The following GLRA1 variants were observed in gnomAD, a reference collection of about 807,000 sequenced individuals.
GLRA1 encodes glycine receptor subunit alpha-1.
GLRA1 carries 37 observed loss-of-function variants against 48.3 expected under a neutral mutation model. The ratio of observed to expected loss-of-function variants is 0.77; its 90% CI spans 0.59 to 1.01. The LOEUF is 1.01. Among genes scored for constraint, GLRA1 ranks in the 50% least tolerant of loss-of-function variants. The probability of loss-of-function intolerance (pLI) is 0.00; values close to 1 mark genes in which losing one functional copy is unlikely to be tolerated. For missense variants in GLRA1, 427 were observed against 571.0 expected, an observed-to-expected ratio of 0.75 and a Z score of 2.57; for synonymous variants, 196 against 210.7, an observed-to-expected ratio of 0.93 and a Z score of 0.60.
chr5:151,871,768 G>T (rs1251534515), intron 3 of GLRA1, among the ~76,000 whole-genome samples: 1 of 149,340 alleles, frequency 6.7e-6, no homozygotes, highest in Non-Finnish European at 1.5e-5. Context: ...GTTTCACTGT[G>T]TTAACCAGGA....
intron 3 of GLRA1, among the ~76,000 whole-genome samples, chr5:151,874,715 G>A (rs1229298492): frequency 6.6e-6 from 1 of 152,134 alleles, no homozygotes; most frequent in African/African-American, 2.4e-5. Context: ...ATATTTTTAG[G>A]TAGGGGGGTG....
intron 1 of GLRA1, among the ~76,000 whole-genome samples, chr5:151,917,303 C>T (rs1361316000): frequency 1.3e-5 from 2 of 152,160 alleles, no homozygotes; most frequent in Non-Finnish European, 2.9e-5. Context: ...CTCAGGTGAT[C>T]CTGGACACTG....
intron 7 of GLRA1, among the ~76,000 whole-genome samples, chr5:151,832,410 T>C (rs763186667): frequency 6.6e-6 from 1 of 152,160 alleles, no homozygotes; most frequent in Non-Finnish European, 1.5e-5. Context: ...GAAAAGAGTT[T>C]AGAGGAATTG....
chr5:151,848,867 C>A, intron 7 of GLRA1: 1 of 617,970 alleles, frequency 1.6e-6, no homozygotes, highest in South Asian at 1.5e-5. Flanking sequence ...CTGCTCAGCG[C>A]CCAGAACACC....
rs566505644 is a variant in GLRA1 at position 151,856,813 on chromosome 5, T to C, written c.477-430A>G. 6.5e-4 allele frequency among the ~76,000 whole-genome samples: 99 copies of C among 152,304 alleles called. 1 individual carries two copies. The highest frequency in any genetic ancestry group is 3.4e-3 in the Middle Eastern group (1 of 294). ...CTGGGATTACAGGCATGAGCCACCA[T>C]GCCCGGCCGTGACATGATTTTCATA... On this transcript the variant is annotated intron_variant, in intron 4 of 8. Transcript: ENST00000274576.
chr5:151,833,443 G>T (rs1324776879), intron 7 of GLRA1, among the ~76,000 whole-genome samples: 1 of 151,992 alleles, frequency 6.6e-6, no homozygotes, highest in Non-Finnish European at 1.5e-5. Context: ...CAAAATAAAG[G>T]GATGGAGGGA....
intron 4 of GLRA1, among the ~76,000 whole-genome samples, chr5:151,857,091 C>G (rs565171590): frequency 6.6e-6 from 1 of 152,194 alleles, no homozygotes; most frequent in South Asian, 2.1e-4. Context: ...CTCCCACCAG[C>G]TGGGCCCAGG....
At chr5:151,908,728 A>G (rs1315451259) in intron 1 of GLRA1, among the ~76,000 whole-genome samples, 1 of 151,728 alleles carries the variant, frequency 6.6e-6, no homozygotes, top group Non-Finnish European at 1.5e-5. Context: ...TCTTAATCCC[A>G]TAATGTTAAA....
chr5:151,826,845 C>A (rs1763282127), intron 8 of GLRA1, among the ~76,000 whole-genome samples: 1 of 152,178 alleles, frequency 6.6e-6, no homozygotes, highest in African/African-American at 2.4e-5. Context: ...TCTACTGGAG[C>A]TGTGCAGTGC....
At chr5:151,897,170 C>T (rs1454414034) in intron 1 of GLRA1, among the ~76,000 whole-genome samples, 2 of 152,212 alleles carry the variant, frequency 1.3e-5, no homozygotes, top group African/African-American at 4.8e-5. Context: ...ATGCCTCCCT[C>T]CACTTGATAA....
At position 151,822,544 on chromosome 5, in the gene GLRA1, G is replaced by C; in HGVS notation, c.*129C>G. 1.4e-6 allele frequency: 1 copy of C among 722,250 alleles called. No individual in the cohort carries two copies. 44.7% of individuals were successfully genotyped at this position (722,250 alleles called of 1,614,324 possible). The stretch of plus-strand genomic sequence containing the variant: ...TCATGCATCACTGCATTTTGCTATT[G>C]CACATATTGCAGAGAGAGTTGTGTA... On this transcript the variant is annotated 3_prime_UTR_variant, in exon 9 of 9. Transcript: ENST00000274576.
chr5:151,893,307 T>A (rs1222902465), intron 1 of GLRA1, among the ~76,000 whole-genome samples: 228 of 140,504 alleles, frequency 1.6e-3, no homozygotes, highest in African/African-American at 5.9e-3. Context: ...TTTCTTTCTT[T>A]CTTTCTTTCT....
intron 1 of GLRA1, among the ~76,000 whole-genome samples, chr5:151,916,619 A>G (rs184297900): frequency 1.7e-4 from 26 of 152,336 alleles, no homozygotes; most frequent in Admixed American, 1.2e-3. Context: ...GCCTCTAGCT[A>G]TGCAAAGTTG....
intron 3 of GLRA1, among the ~76,000 whole-genome samples, chr5:151,861,302 A>G (rs1449770873): frequency 1.3e-5 from 2 of 152,210 alleles, no homozygotes; most frequent in Non-Finnish European, 2.9e-5. Flanking sequence ...GAATCGCCAC[A>G]CTGTCTTCCA....
At chr5:151,905,081 A>G (rs559955106) in intron 1 of GLRA1, among the ~76,000 whole-genome samples, 10 of 152,326 alleles carry the variant, frequency 6.6e-5, no homozygotes, top group African/African-American at 2.4e-4. Flanking sequence ...TGCTGCACAT[A>G]TGGAAACTGT....
chr5:151,839,348 CAA>C (rs1168257699), intron 7 of GLRA1, among the ~76,000 whole-genome samples: 2 of 143,778 alleles, frequency 1.4e-5, no homozygotes, highest in East Asian at 2.1e-4. Flanking sequence ...ATATTCAAGA[CAA>C]TATAAAAAAT....
Position 151,870,977 on chromosome 5 carries a change from G to T in GLRA1, c.253-10969C>A, listed in dbSNP as rs56985787. On this transcript the variant is annotated intron_variant, in intron 3 of 8. Coordinates refer to ENST00000274576, the MANE Select transcript of GLRA1 (RefSeq NM_000171.4). ...AGTCATTCGTGGGTTTGACGGTCAT[G>T]AGTCAGCCTTCTGGAATTTGATCTG... 7.8e-4 allele frequency among the ~76,000 whole-genome samples: 117 copies of T among 149,880 alleles called. 16 individuals are homozygous for T. The highest frequency in any genetic ancestry group is 3.0e-3 in the African/African-American group (116 of 39,238).
intron 6 of GLRA1, among the ~76,000 whole-genome samples, chr5:151,852,244 T>G (rs1752931170): frequency 6.6e-6 from 1 of 152,204 alleles, no homozygotes; most frequent in South Asian, 2.1e-4. Context: ...TTTCTGAGCT[T>G]TTGATCTTGC....
intron 7 of GLRA1, among the ~76,000 whole-genome samples, chr5:151,849,340 T>TTCCTTCCA (rs1752813135): frequency 9.2e-6 from 1 of 108,876 alleles, no homozygotes; most frequent in Admixed American, 1.0e-4. Flanking sequence ...TCTCTCCCCC[T>TTCCTTCCA]TCCTTCCATC....
Sources: gnomAD v4.1 joint callset for allele counts (sites outside exome capture counted in the v4.1 genomes callset) on GRCh38, gnomAD v4.1.1 for gene constraint, MANE v1.5 for transcripts, NCBI Gene and HGNC (gene_info 2026-07-23, HGNC 2026-07-21) for gene names.